The following SLC35F4 variants were observed in gnomAD, a reference collection of about 807,000 sequenced individuals.
SLC35F4 encodes solute carrier family 35 member F4, also known as chromosome 14 open reading frame 36.
In SLC35F4, 24 loss-of-function variants were observed where a neutral mutation model predicts 44.2. The observed-to-expected ratio is 0.54, with a 90% CI of 0.39 to 0.76. The LOEUF (loss-of-function observed/expected upper bound fraction) is 0.76. Ranked by LOEUF, SLC35F4 falls within the 30% of genes least tolerant of loss-of-function variation. The pLI is 0.00. For missense variants in SLC35F4, 562 were observed against 586.1 expected (o/e 0.96, Z 0.42); for synonymous variants, 238 against 223.6 (o/e 1.06, Z -0.57).
chr14:57,907,445 T>C (rs944168878), intron 1 of SLC35F4, among the ~76,000 whole-genome samples: 37 of 152,148 alleles, frequency 2.4e-4, no homozygotes, highest in African/African-American at 8.9e-4. Flanking sequence ...AACTATCCAC[T>C]TCAGTTGCCA....
chr14:57,813,967 C>T (rs754745753), intron 1 of SLC35F4, among the ~76,000 whole-genome samples: 9 of 152,266 alleles, frequency 5.9e-5, no homozygotes, highest in African/African-American at 1.9e-4. Flanking sequence ...CTAGCATTAG[C>T]GGTGGGAATT....
chr14:57,845,616 T>A (rs1885950240), intron 1 of SLC35F4, among the ~76,000 whole-genome samples: 1 of 152,228 alleles, frequency 6.6e-6, no homozygotes, highest in Admixed American at 6.5e-5. Context: ...GAAAGTTAAC[T>A]GTGTTAAGTT....
At chr14:57,968,646 C>T (rs1016579025) in intron 1 of SLC35F4, among the ~76,000 whole-genome samples, 30 of 152,156 alleles carry the variant, frequency 2.0e-4, no homozygotes, top group African/African-American at 7.2e-4. Flanking sequence ...AGATTCACCC[C>T]TAGACTTGGT....
intron 1 of SLC35F4, among the ~76,000 whole-genome samples, chr14:57,836,168 A>C (rs567851868): frequency 2.0e-5 from 3 of 152,312 alleles, no homozygotes; most frequent in Admixed American, 1.3e-4. Context: ...TCAGTAGTTT[A>C]ACTAATGACT....
intron 1 of SLC35F4, among the ~76,000 whole-genome samples, chr14:57,948,932 T>G (rs1413867351): frequency 6.6e-6 from 1 of 152,186 alleles, no homozygotes; most frequent in Non-Finnish European, 1.5e-5. Context: ...TTAAATTTTT[T>G]GAGACTTGTT....
chr14:57,917,634 G>A (rs1414323714), intron 1 of SLC35F4, among the ~76,000 whole-genome samples: 3 of 151,870 alleles, frequency 2.0e-5, no homozygotes, highest in Non-Finnish European at 4.4e-5. Flanking sequence ...GGTGGGGTGG[G>A]GAAGCATTCT....
chr14:57,956,588 T>G (rs1401937146), intron 1 of SLC35F4, among the ~76,000 whole-genome samples: 1 of 151,628 alleles, frequency 6.6e-6, no homozygotes, highest in African/African-American at 2.4e-5. Flanking sequence ...TTAAACAAAT[T>G]TACAAGAAAA....
chr14:57,596,488 G>A (rs192920937), intron 1 of SLC35F4: 39 of 342,960 alleles, frequency 1.1e-4, no homozygotes, highest in Middle Eastern at 1.0e-3. Context: ...GATACTCCAA[G>A]AGTCTTTTAA....
chr14:57,930,333 T>C (rs1166651721), intron 1 of SLC35F4, among the ~76,000 whole-genome samples: 2 of 152,172 alleles, frequency 1.3e-5, no homozygotes, highest in Non-Finnish European at 2.9e-5. Flanking sequence ...ATGCTTGGCA[T>C]CTTCTGACTT....
intron 1 of SLC35F4, among the ~76,000 whole-genome samples, chr14:57,871,955 C>T (rs1888303876): frequency 2.0e-5 from 3 of 152,162 alleles, no homozygotes; most frequent in Non-Finnish European, 4.4e-5. Flanking sequence ...TTTCCAAAGA[C>T]ATACTATGTA....
intron 1 of SLC35F4, among the ~76,000 whole-genome samples, chr14:57,915,726 A>G (rs74585255): frequency 0.073 from 11,070 of 152,224 alleles, 530 homozygotes; most frequent in Non-Finnish European, 0.11. Context: ...TCCATGTAAG[A>G]CCTCATCAGA....
At chr14:57,653,716 T>C (rs956940721) in intron 1 of SLC35F4, among the ~76,000 whole-genome samples, 4 of 152,214 alleles carry the variant, frequency 2.6e-5, no homozygotes, top group African/African-American at 9.6e-5. Flanking sequence ...TTGCTGCCAA[T>C]GTGCAGAAGA....
intron 1 of SLC35F4, among the ~76,000 whole-genome samples, chr14:57,834,824 A>G (rs556397670): frequency 1.1e-3 from 160 of 152,230 alleles, no homozygotes; most frequent in Non-Finnish European, 1.9e-3. Context: ...GTTCGAGACC[A>G]GCATGGCCAG....
intron 1 of SLC35F4, among the ~76,000 whole-genome samples, chr14:57,634,534 C>T (rs1456536427): frequency 1.3e-5 from 2 of 152,080 alleles, no homozygotes; most frequent in Middle Eastern, 3.4e-3. Flanking sequence ...GGCAGCAGCA[C>T]CATTCATTGG....
chr14:57,592,098 A>T (rs941994607), intron 2 of SLC35F4, among the ~76,000 whole-genome samples: 1 of 152,194 alleles, frequency 6.6e-6, no homozygotes, highest in African/African-American at 2.4e-5. Context: ...ATGATTTTCT[A>T]TAGTCCTGCT....
intron 5 of SLC35F4, 69 bp downstream of exon 5, chr14:57,571,825 T>C (rs2068521764): frequency 1.3e-6 from 2 of 1,537,494 alleles, no homozygotes; most frequent in Admixed American, 2.1e-5. Context: ...TACATCGTAC[T>C]TTCTTACTTT....
At chr14:57,742,928 C>A (rs1455388066) in intron 1 of SLC35F4, among the ~76,000 whole-genome samples, 4 of 152,202 alleles carry the variant, frequency 2.6e-5, no homozygotes, top group African/African-American at 9.7e-5. Flanking sequence ...TCACTCAAAA[C>A]CGTTCAACTA....
At chr14:57,824,196 AG>A (rs1264020812) in intron 1 of SLC35F4, among the ~76,000 whole-genome samples, 2 of 152,148 alleles carry the variant, frequency 1.3e-5, no homozygotes, top group Non-Finnish European at 2.9e-5. Flanking sequence ...GTATCAGAAA[AG>A]TTTGACTACT....
At chr14:57,739,169 G>A (rs10129463) in intron 1 of SLC35F4, among the ~76,000 whole-genome samples, 1 of 151,966 alleles carries the variant, frequency 6.6e-6, no homozygotes, top group African/African-American at 2.4e-5. Context: ...TTGGGACAGA[G>A]AGTCCTGAGG....
Sources: allele counts gnomAD v4.1 joint callset (sites outside exome capture counted in the v4.1 genomes callset), GRCh38; gene constraint gnomAD v4.1.1; transcripts MANE v1.5; gene names NCBI Gene and HGNC (gene_info 2026-07-23, HGNC 2026-07-21).